Variants in RIMS1 observed in about 807,000 individuals in gnomAD.
RIMS1 encodes regulating synaptic membrane exocytosis protein 1.
In RIMS1, 83 loss-of-function variants were observed where a neutral mutation model predicts 214.1. The ratio of observed to expected loss-of-function variants is 0.39; its 90% CI spans 0.32 to 0.47. RIMS1 has a LOEUF of 0.47. Ranked by LOEUF, RIMS1 falls within the 20% of genes least tolerant of loss-of-function variation. RIMS1 has a pLI of 0.99. For synonymous variants in RIMS1, 793 were observed against 786.8 expected, an observed-to-expected ratio of 1.01 and a Z score of -0.13; for missense variants, 2,050 against 2,161.8, an observed-to-expected ratio of 0.95 and a Z score of 1.03.
intron 12 of RIMS1, among the ~76,000 whole-genome samples, chr6:72,248,763 G>A (rs1367944917): frequency 6.6e-6 from 1 of 152,126 alleles, no homozygotes; most frequent in Non-Finnish European, 1.5e-5. Context: ...ATGACCTTTT[G>A]CTCCTCTGAT....
rs986385606 is a variant in RIMS1, at chr6:72,401,515, T to A, written c.*801T>A. 2 of 152,660 alleles carry A rather than the reference T, an allele frequency of 1.3e-5. No homozygotes were observed. The highest frequency in any genetic ancestry group is 4.8e-5 in the African/African-American group (2 of 41,466). The allele number at this position is 152,660 out of a possible 1,614,324, so 9.5% of individuals were successfully genotyped here. A position where few individuals can be genotyped will look rare whatever the true frequency, so the allele number is the denominator to read the frequency against. On this transcript the variant is annotated 3_prime_UTR_variant, in exon 34 of 34. Coordinates refer to ENST00000521978, the MANE Select transcript of RIMS1 (RefSeq NM_014989.7). The stretch of plus-strand genomic sequence containing the variant: ...TCTGTTTGCATTCTAGAAAATTAAT[T>A]TATGGTTTCCATTGTTTTGCATGGA...
intron 2 of RIMS1, among the ~76,000 whole-genome samples, chr6:72,037,103 G>A (rs1309990530): frequency 1.3e-5 from 2 of 150,626 alleles, no homozygotes; most frequent in East Asian, 3.9e-4. Context: ...ACTGAGTTAT[G>A]TATATTTACT....
intron 4 of RIMS1, among the ~76,000 whole-genome samples, chr6:72,115,947 G>T (rs1235677268): frequency 6.6e-6 from 1 of 151,814 alleles, no homozygotes; most frequent in Non-Finnish European, 1.5e-5. Flanking sequence ...TAGAACTAGA[G>T]ACTATGGCTA....
intron 4 of RIMS1, among the ~76,000 whole-genome samples, chr6:72,111,376 T>C (rs2036053197): frequency 6.6e-6 from 1 of 152,192 alleles, no homozygotes; most frequent in Non-Finnish European, 1.5e-5. Context: ...CCAGGTAAAT[T>C]TGAATAATCT....
chr6:72,368,258 T>G (rs1484542121), intron 29 of RIMS1, among the ~76,000 whole-genome samples: 1 of 151,400 alleles, frequency 6.6e-6, no homozygotes. Flanking sequence ...ATAAACTTGG[T>G]GTAAGACCAA....
At chr6:72,280,925 C>T (rs1247290102) in intron 23 of RIMS1, among the ~76,000 whole-genome samples, 1 of 152,076 alleles carries the variant, frequency 6.6e-6, no homozygotes, top group Non-Finnish European at 1.5e-5. Flanking sequence ...CTGAGTACTA[C>T]TGAAATATTT....
chr6:71,942,519 C>T (rs1164049192), intron 1 of RIMS1, among the ~76,000 whole-genome samples: 1 of 151,998 alleles, frequency 6.6e-6, no homozygotes, highest in African/African-American at 2.4e-5. Flanking sequence ...TTTTCCACAG[C>T]ATATTTTATG....
chr6:72,235,665 A>G lies in RIMS1; in HGVS notation c.1794A>G (p.Gly598=). 1 of 1,611,582 alleles carries G rather than the reference A, an allele frequency of 6.2e-7. No individual in the cohort carries two copies. ...CTAAAGAGGGGGACCGATTAATTGG[A>G]CGTGTTATTCTTAACAAGAGAACAA... ...QPSKEGDRLI[G]RVILNKRTTM... The change falls in exon 8 of 34, where the codon GGA becomes GGG. Residue 598 remains glycine, a synonymous_variant. Coordinates refer to ENST00000521978, the MANE Select transcript of RIMS1 (RefSeq NM_014989.7).
chr6:72,002,946 C>T (rs1338665042), intron 2 of RIMS1, among the ~76,000 whole-genome samples: 1 of 152,198 alleles, frequency 6.6e-6, no homozygotes. Flanking sequence ...CTGCTAGTCT[C>T]CTTACTTCTG....
At chr6:72,086,457 A>G (rs1451869067) in intron 2 of RIMS1, among the ~76,000 whole-genome samples, 1 of 152,226 alleles carries the variant, frequency 6.6e-6, no homozygotes. Context: ...TCTGAGTTAC[A>G]TACGTTTGCA....
At chr6:72,333,970 T>A in intron 29 of RIMS1, 135 bp downstream of exon 29, 1 of 668,022 alleles carries the variant, frequency 1.5e-6, no homozygotes, top group Non-Finnish European at 2.6e-6. Flanking sequence ...TTTCTGTCTC[T>A]GAAAATCTGC....
At chr6:72,047,518 A>T (rs550800877) in intron 2 of RIMS1, among the ~76,000 whole-genome samples, 1 of 152,264 alleles carries the variant, frequency 6.6e-6, no homozygotes, top group African/African-American at 2.4e-5. Flanking sequence ...AAAGCTAAAG[A>T]TTTAAGCATA....
chr6:72,164,878 A>G (rs2046036469), intron 4 of RIMS1, among the ~76,000 whole-genome samples: 1 of 152,220 alleles, frequency 6.6e-6, no homozygotes, highest in Non-Finnish European at 1.5e-5. Context: ...AATTGATCCC[A>G]TCATTGAGGT....
chr6:72,147,757 T>TA (rs954022449), intron 4 of RIMS1, among the ~76,000 whole-genome samples: 16 of 152,370 alleles, frequency 1.1e-4, no homozygotes, highest in African/African-American at 3.1e-4. Flanking sequence ...GCTCTGTTTT[T>TA]AAAAAAGTCC....
Position 72,252,637 on chromosome 6 carries a change from G to A in RIMS1, c.2699-124G>A, listed in dbSNP as rs1399967364. On this transcript the variant is annotated intron_variant, in intron 15 of 33. Coordinates refer to ENST00000521978, the MANE Select transcript of RIMS1 (RefSeq NM_014989.7). Reference sequence around the variant, plus strand: ...TTTTAAAATTAGCTCAGTGTTTACTGTATTAGTCTTCATAAGTTTTCAGTA... The same window carrying A: ...TTTTAAAATTAGCTCAGTGTTTACTATATTAGTCTTCATAAGTTTTCAGTA... The A allele has an allele frequency of 1.6e-5, 12 of 735,672 alleles. No individual in the cohort carries two copies. The East Asian group carries it at 2.4e-4, about 15-fold the overall frequency. The allele number at this position is 735,672 out of a possible 1,614,324, so 45.6% of individuals were successfully genotyped here. A position where few individuals can be genotyped will look rare whatever the true frequency, so the allele number is the denominator to read the frequency against.
In RIMS1 at chr6:72,290,344, G is replaced by A. The variant is rs546731094; in HGVS notation, c.3555-335G>A. On this transcript the variant is annotated intron_variant, in intron 24 of 33. Coordinates refer to ENST00000521978, the MANE Select transcript of RIMS1 (RefSeq NM_014989.7). ...CCTTTATTGAGCTCTTGCTATCTGT[G>A]CAGCTGTGTTGTAAGCACTTGAGAT... Among the ~76,000 whole-genome samples the A allele has an allele frequency of 9.2e-5, 14 of 152,178 alleles. No homozygotes were observed. The South Asian group carries it at 1.5e-3, about 16-fold the overall frequency.
intron 1 of RIMS1, among the ~76,000 whole-genome samples, chr6:71,903,642 T>C (rs1774402027): frequency 6.6e-6 from 1 of 152,102 alleles, no homozygotes; most frequent in South Asian, 2.1e-4. Flanking sequence ...ACAAGGAATG[T>C]AAACAAATTT....
chr6:72,027,559 C>T (rs1032333040), intron 2 of RIMS1, among the ~76,000 whole-genome samples: 1 of 152,008 alleles, frequency 6.6e-6, no homozygotes, highest in Non-Finnish European at 1.5e-5. Flanking sequence ...AGTTCTATCT[C>T]CCTATCAAGT....
chr6:72,070,077 CTT>C (rs1042118832), intron 2 of RIMS1, among the ~76,000 whole-genome samples: 4 of 152,068 alleles, frequency 2.6e-5, no homozygotes, highest in African/African-American at 9.7e-5. Context: ...ATATTATTCT[CTT>C]ATATTAATGT....
Sources: gnomAD v4.1 joint callset for allele counts (sites outside exome capture counted in the v4.1 genomes callset) on GRCh38, gnomAD v4.1.1 for gene constraint, MANE v1.5 for transcripts, NCBI Gene and HGNC (gene_info 2026-07-23, HGNC 2026-07-21) for gene names.